The following DIP2B variants were observed in gnomAD, a reference collection of about 807,000 sequenced individuals.
DIP2B encodes the protein disco-interacting protein 2 homolog B.
Under a neutral mutation model 198.0 loss-of-function variants are expected in DIP2B, and 76 were observed. The ratio of observed to expected loss-of-function variants is 0.38; its 90% confidence interval spans 0.32 to 0.46. The LOEUF (loss-of-function observed/expected upper bound fraction) is 0.46, where lower values mean the gene tolerates loss of function less well. DIP2B is among the 20% of genes least tolerant of loss of function. The pLI is 0.99. For missense variants in DIP2B, 1,559 were observed against 1,978.4 expected (o/e 0.79, Z 4.02); for synonymous variants, 701 against 739.1 (o/e 0.95, Z 0.84).
chr12:50,511,177 C>CT (rs1212108754), intron 1 of DIP2B, among the ~76,000 whole-genome samples: 1 of 151,788 alleles, frequency 6.6e-6, no homozygotes, highest in Non-Finnish European at 1.5e-5. Context: ...AACTCTTGAC[C>CT]TTGTGATCCG....
intron 1 of DIP2B, among the ~76,000 whole-genome samples, chr12:50,601,601 G>C (rs1958937176): frequency 6.6e-6 from 1 of 152,100 alleles, no homozygotes; most frequent in South Asian, 2.1e-4. Context: ...GCCTCCCAAA[G>C]TACTGGGATT....
Position 50,745,381 on chromosome 12 carries a change from C to G in DIP2B, c.*542C>G, listed in dbSNP as rs539819129. Reference sequence around the variant, plus strand: ...ATTCTTGACTGTAAAACATTTTGACCAGTGTTTTACAACATGTACATAAGA... The same window carrying G: ...ATTCTTGACTGTAAAACATTTTGACGAGTGTTTTACAACATGTACATAAGA... On this transcript the variant is annotated 3_prime_UTR_variant, in exon 38 of 38. Transcript: ENST00000301180. 2 of 155,970 alleles carry G rather than the reference C, an allele frequency of 1.3e-5. No individual in the cohort carries two copies. Among genetic ancestry groups the G allele is most frequent in the African/African-American group, 4.8e-5 (2 of 41,530 alleles). The allele number at this position is 155,970 out of a possible 1,614,324, so 9.7% of individuals were successfully genotyped here. A position where few individuals can be genotyped will look rare whatever the true frequency, so the allele number is the denominator to read the frequency against.
intron 2 of DIP2B, among the ~76,000 whole-genome samples, chr12:50,637,408 T>G (rs1038531364): frequency 6.6e-6 from 1 of 152,140 alleles, no homozygotes; most frequent in Non-Finnish European, 1.5e-5. Context: ...TGCCAAGGCT[T>G]TTCTCCCTCA....
intron 1 of DIP2B, among the ~76,000 whole-genome samples, chr12:50,565,824 A>G (rs1958558844): frequency 6.6e-6 from 1 of 152,234 alleles, no homozygotes; most frequent in Non-Finnish European, 1.5e-5. Flanking sequence ...GGAAAAATGA[A>G]AGTCATTTTC....
At chr12:50,509,117 A>G (rs904665850) in intron 1 of DIP2B, among the ~76,000 whole-genome samples, 1 of 118,572 alleles carries the variant, frequency 8.4e-6, no homozygotes, top group Non-Finnish European at 1.8e-5. Flanking sequence ...AATGAGCAGG[A>G]TACCCTGGTA....
intron 3 of DIP2B, among the ~76,000 whole-genome samples, chr12:50,658,638 A>T (rs968152316): frequency 5.3e-5 from 8 of 152,236 alleles, no homozygotes; most frequent in African/African-American, 1.7e-4. Context: ...AATTTCAAAA[A>T]TTTGGAAATA....
intron 1 of DIP2B, among the ~76,000 whole-genome samples, chr12:50,555,330 G>A (rs975834087): frequency 2.0e-5 from 3 of 152,108 alleles, no homozygotes; most frequent in Non-Finnish European, 4.4e-5. Context: ...TATTTTCATA[G>A]TGTAAGTCTC....
rs775940504 is a variant in DIP2B at position 50,728,614 on chromosome 12, C to T, written c.3577C>T (p.Arg1193Trp). 3 of 1,614,158 alleles carry T rather than the reference C, an allele frequency of 1.9e-6. No homozygotes were observed. Among genetic ancestry groups the T allele is most frequent in the Non-Finnish European group, 2.5e-6 (3 of 1,180,014 alleles). ...GCTCCAGTGTGAGTTGTACTCTTCT[C>T]GGCAGATCGCCATCTGCCTTGACCC... Reference protein sequence around the residue: ...IKLQCELYSSRQIAICLDPYC... With the variant: ...IKLQCELYSSWQIAICLDPYC... The change falls in exon 30 of 38, where the codon CGG (arginine) becomes TGG (tryptophan). Residue 1193 changes from arginine (R) to tryptophan (W), a missense_variant. Physicochemically the swap from Arg to Trp is moderately radical, Grantham distance 101. Coordinates refer to ENST00000301180, the MANE Select transcript of DIP2B (RefSeq NM_173602.3).
chr12:50,666,423 A>G (rs1470103260), intron 4 of DIP2B, among the ~76,000 whole-genome samples: 1 of 152,202 alleles, frequency 6.6e-6, no homozygotes, highest in Admixed American at 6.5e-5. Context: ...TAACCTGAAA[A>G]TTATCTCCTA....
At chr12:50,568,041 G>A (rs1048825050) in intron 1 of DIP2B, among the ~76,000 whole-genome samples, 1 of 152,108 alleles carries the variant, frequency 6.6e-6, no homozygotes, top group Non-Finnish European at 1.5e-5. Flanking sequence ...TAAGCATGGA[G>A]TCAACTTGGT....
intron 2 of DIP2B, among the ~76,000 whole-genome samples, chr12:50,626,588 C>T (rs1054267147): frequency 4.6e-5 from 7 of 152,210 alleles, no homozygotes; most frequent in Admixed American, 4.6e-4. Context: ...TAACCTTTGC[C>T]TCTAAGCAAG....
intron 37 of DIP2B, among the ~76,000 whole-genome samples, chr12:50,742,394 CAAAAAAAAAAAAA>C (rs59566626): frequency 2.1e-5 from 1 of 47,478 alleles, no homozygotes; most frequent in East Asian, 1.0e-3. Context: ...GAGACTGTCT[CAAAAAAAAAAAAA>C]AAAAAAAAAA....
At chr12:50,656,656 C>T (rs1938559521) in intron 3 of DIP2B, among the ~76,000 whole-genome samples, 1 of 152,194 alleles carries the variant, frequency 6.6e-6, no homozygotes, top group Non-Finnish European at 1.5e-5. Flanking sequence ...ACTGTAACCT[C>T]CGCTTCCCAG....
intron 1 of DIP2B, among the ~76,000 whole-genome samples, chr12:50,591,870 T>A (rs1417071241): frequency 6.6e-6 from 1 of 151,102 alleles, no homozygotes; most frequent in Non-Finnish European, 1.5e-5. Flanking sequence ...TTTATTTCTT[T>A]ATTTTTGTGT....
At chr12:50,506,655 A>G (rs1269667821) in intron 1 of DIP2B, among the ~76,000 whole-genome samples, 1 of 152,200 alleles carries the variant, frequency 6.6e-6, no homozygotes, top group Middle Eastern at 3.4e-3. Flanking sequence ...GAAGTGTTTA[A>G]GAAGATAGGA....
At chr12:50,678,946 C>T (rs750193399) in intron 8 of DIP2B, 70 bp downstream of exon 8, 2 of 1,543,010 alleles carry the variant, frequency 1.3e-6, no homozygotes, top group South Asian at 1.1e-5. Flanking sequence ...GTGTTTTTAT[C>T]TAGATACTTA....
Position 50,576,426 on chromosome 12 carries a change from G to T in DIP2B, c.101-49550G>T, listed in dbSNP as rs956491003. Among the ~76,000 whole-genome samples the T allele has an allele frequency of 3.3e-5, 5 of 150,840 alleles. No individual in the cohort carries two copies. The Admixed American group carries it at 3.3e-4, about 10-fold the overall frequency. On this transcript the variant is annotated intron_variant, in intron 1 of 37. Transcript: ENST00000301180. ...AACAAACAAATATATCTGTGAAAGA[G>T]ACCACATGTGGTCTGCAAAGCCTAA...
At chr12:50,738,161 G>A (rs1183364545) in intron 35 of DIP2B, among the ~76,000 whole-genome samples, 1 of 151,990 alleles carries the variant, frequency 6.6e-6, no homozygotes, top group African/African-American at 2.4e-5. Context: ...CCAACATGAG[G>A]AAACTCCGTC....
chr12:50,743,522 G>T (rs560410514), intron 37 of DIP2B: 1 of 152,258 alleles, frequency 6.6e-6, no homozygotes, highest in Non-Finnish European at 1.5e-5. Context: ...TAACTCATGT[G>T]AGTCAGACAG....
Sources: gnomAD v4.1 joint callset for allele counts (sites outside exome capture counted in the v4.1 genomes callset) on GRCh38, gnomAD v4.1.1 for gene constraint, MANE v1.5 for transcripts, NCBI Gene and HGNC (gene_info 2026-07-23, HGNC 2026-07-21) for gene names.